VLDLR: variants seen among roughly 807,000 people sequenced by gnomAD.
VLDLR encodes very low density lipoprotein receptor.
VLDLR carries 81 observed loss-of-function variants against 112.7 expected under a neutral mutation model. The ratio of observed to expected loss-of-function variants is 0.72; its 90% CI spans 0.60 to 0.86. VLDLR has a LOEUF of 0.86. Ranked by LOEUF, VLDLR falls within the 40% of genes least tolerant of loss-of-function variation. The pLI is 0.00. For synonymous variants in VLDLR, 436 were observed against 384.8 expected, an observed-to-expected ratio of 1.13 and a Z score of -1.56; for missense variants, 1,237 against 1,099.4, an observed-to-expected ratio of 1.13 and a Z score of -1.77.
chr9:2,643,767 G>A lies in VLDLR; in HGVS notation c.943+17G>A. 1 of 1,614,158 alleles carries A rather than the reference G, an allele frequency of 6.2e-7. No individual in the cohort carries two copies. The highest frequency in any genetic ancestry group is 1.6e-4 in the Middle Eastern group (1 of 6,062). On this transcript the variant is annotated intron_variant, in intron 6 of 18. Coordinates refer to ENST00000382100, the MANE Select transcript of VLDLR (RefSeq NM_003383.5). ...GCAAAAATGGTAAGGGTTTCTTCTT[G>A]TTGGTTAAGCAATGGATTGCTCTGA...
chr9:2,637,874 C>T (rs886598125), intron 2 of VLDLR, among the ~76,000 whole-genome samples: 7 of 152,026 alleles, frequency 4.6e-5, no homozygotes, highest in African/African-American at 7.2e-5. Flanking sequence ...ACCCGGGAGG[C>T]GGAGCTTGCA....
chr9:2,639,194 G>C (rs1219840177), intron 2 of VLDLR, among the ~76,000 whole-genome samples: 3 of 152,236 alleles, frequency 2.0e-5, no homozygotes, highest in African/African-American at 4.8e-5. Flanking sequence ...AGACCTGCCA[G>C]TAGATCTGAT....
rs1318191770 is a variant in VLDLR, at chr9:2,657,781, A to C, written c.*3913A>C. On this transcript the variant is annotated 3_prime_UTR_variant, in exon 19 of 19. Coordinates refer to ENST00000382100, the MANE Select transcript of VLDLR (RefSeq NM_003383.5). ...GTGGGAGGGCACATCAAGCGATTTC[A>C]CTCTCTTAAAGAAAAGGTTTTTAGG... 1 of 151,876 alleles carries C rather than the reference A, an allele frequency of 6.6e-6. No homozygotes were observed. The highest frequency in any genetic ancestry group is 2.4e-5 in the African/African-American group (1 of 41,300). The allele number at this position is 151,876 out of a possible 1,614,324, so 9.4% of individuals were successfully genotyped here. A position where few individuals can be genotyped will look rare whatever the true frequency, so the allele number is the denominator to read the frequency against.
rs1818617953 is a variant in VLDLR, at chr9:2,656,587, T to C, written c.*2719T>C. 6.6e-6 allele frequency: 1 copy of C among 152,212 alleles called. No homozygotes were observed. Among genetic ancestry groups the C allele is most frequent in the Admixed American group, 6.5e-5 (1 of 15,280 alleles). 9.4% of individuals were successfully genotyped at this position (152,212 alleles called of 1,614,324 possible). A position where few individuals can be genotyped will look rare whatever the true frequency, so the allele number is the denominator to read the frequency against. ...TATGTGAAATGTGTTAGGATAAGTTTGCTCTGTCTCTAGAGTTCAATGTAG... is the reference window on the plus strand; with the variant it reads ...TATGTGAAATGTGTTAGGATAAGTTCGCTCTGTCTCTAGAGTTCAATGTAG... On this transcript the variant is annotated 3_prime_UTR_variant, in exon 19 of 19. Coordinates refer to ENST00000382100, the MANE Select transcript of VLDLR (RefSeq NM_003383.5).
chr9:2,652,882 C>T lies in VLDLR; in HGVS notation c.2519C>T (p.Thr840Ile). 1 of 1,614,082 alleles carries T rather than the reference C, an allele frequency of 6.2e-7. No homozygotes were observed. The highest frequency in any genetic ancestry group is 8.5e-7 in the Non-Finnish European group (1 of 1,179,988). ...TTTGACAATCCTGTGTACTTGAAAACCACTGAAGAGGACCTCTCCATAGAC... is the reference window on the plus strand; with the variant it reads ...TTTGACAATCCTGTGTACTTGAAAATCACTGAAGAGGACCTCTCCATAGAC... ...MNFDNPVYLK[T>I]TEEDLSIDIG... Residue 840 changes from threonine (T) to isoleucine (I), a missense_variant, in exon 18 of 19, where the codon ACC becomes ATC. Physicochemically the swap from Thr to Ile is moderately conservative, Grantham distance 89. Coordinates refer to ENST00000382100, the MANE Select transcript of VLDLR (RefSeq NM_003383.5).
chr9:2,637,885 G>A (rs1817663926), intron 2 of VLDLR, among the ~76,000 whole-genome samples: 2 of 152,192 alleles, frequency 1.3e-5, no homozygotes, highest in South Asian at 4.2e-4. Context: ...GGAGCTTGCA[G>A]TGAGCCAAGA....
rs374242751 is a variant in VLDLR, at chr9:2,644,325, AT to A, written c.1066+383del. The stretch of plus-strand genomic sequence containing the variant: ...AGGCGCCCACCACCACGCCCGGCTA[AT>A]TTTTTTTTTTTTTTTTGTATTTTTA... On this transcript the variant is annotated intron_variant, in intron 7 of 18. Coordinates refer to ENST00000382100, the MANE Select transcript of VLDLR (RefSeq NM_003383.5). Among the ~76,000 whole-genome samples, 1,045 of 122,944 alleles carry A rather than the reference AT, an allele frequency of 8.5e-3. 12 individuals carry two copies. Among genetic ancestry groups the A allele is most frequent in the African/African-American group, 0.028 (882 of 31,290 alleles). 80.7% of individuals were successfully genotyped at this position (122,944 alleles called of 152,430 possible).
At chr9:2,638,561 C>T (rs1157880322) in intron 2 of VLDLR, among the ~76,000 whole-genome samples, 1 of 152,144 alleles carries the variant, frequency 6.6e-6, no homozygotes, top group East Asian at 1.9e-4. Context: ...CTTAGGGTAT[C>T]CTGTGTGGCT....
At chr9:2,644,421 G>A (rs904360047) in intron 7 of VLDLR, among the ~76,000 whole-genome samples, 31 of 148,408 alleles carry the variant, frequency 2.1e-4, no homozygotes, top group Admixed American at 2.0e-4. Flanking sequence ...CACCCGCCTC[G>A]GCCTTCCAAA....
In VLDLR at chr9:2,646,466, A is replaced by G. The variant is rs1462332382; in HGVS notation, c.1617A>G (p.Val539=). Residue 539 remains valine, a synonymous_variant, in exon 11 of 19, where the codon GTA becomes GTG. Transcript: ENST00000382100. ...ATGCGGCTTCTAAGACTATTTCAGT[A>G]GCTACCCTAGATGGAACCAAGAGGA... ...WTDAASKTIS[V]ATLDGTKRKF... is the part of the protein sequence containing the mutation. The G allele has an allele frequency of 1.2e-5, 19 of 1,614,052 alleles. No homozygotes were observed. The highest frequency in any genetic ancestry group is 1.6e-5 in the Non-Finnish European group (19 of 1,180,016).
chr9:2,651,125 CG>C, intron 15 of VLDLR, among the ~76,000 whole-genome samples: 1 of 152,236 alleles, frequency 6.6e-6, no homozygotes, highest in Non-Finnish European at 1.5e-5. Context: ...GAACATTTCT[CG>C]TAGTTTCCAG....
At chr9:2,640,045 A>G (rs768266324) in intron 3 of VLDLR, 64 bp downstream of exon 3, 29 of 1,613,220 alleles carry the variant, frequency 1.8e-5, no homozygotes, top group Non-Finnish European at 2.5e-5. Context: ...ATTTCTAAGT[A>G]TTGCTTAATC....
intron 8 of VLDLR, 39 bp from the exon 9 acceptor site, chr9:2,644,918 G>C: frequency 1.2e-6 from 2 of 1,614,122 alleles, no homozygotes; most frequent in East Asian, 4.5e-5. Flanking sequence ...ACCTAGTAAG[G>C]TATAGGAGCA....
chr9:2,651,933 G>T lies in VLDLR; in HGVS notation c.2395G>T (p.Ala799Ser), dbSNP rs183359461. 1 of 1,614,042 alleles carries T rather than the reference G, an allele frequency of 6.2e-7. No homozygotes were observed. Among genetic ancestry groups the T allele is most frequent in the African/African-American group, 1.3e-5 (1 of 75,022 alleles). Residue 799 changes from alanine (A) to serine (S), a missense_variant, in exon 17 of 19, where the codon GCA (alanine) becomes TCA (serine). Coordinates refer to ENST00000382100, the MANE Select transcript of VLDLR (RefSeq NM_003383.5). ...TGTTCCCCCAAAAGGGACTTCTGCC[G>T]CATGGGCCATTCTTCCTCTCTGTAA... ...VSVPPKGTSA[A>S]WAILPLLLLV... is the part of the protein sequence containing the mutation.
chr9:2,625,096 T>C (rs1817032050), intron 1 of VLDLR, among the ~76,000 whole-genome samples: 1 of 152,206 alleles, frequency 6.6e-6, no homozygotes, highest in Non-Finnish European at 1.5e-5. Flanking sequence ...GTCTCCATGC[T>C]CAAAAGAAGT....
At position 2,653,947 on chromosome 9, in the gene VLDLR, G is replaced by T; in HGVS notation, c.*79G>T. 2 of 1,492,670 alleles carry T rather than the reference G, an allele frequency of 1.3e-6. No homozygotes were observed. The highest frequency in any genetic ancestry group is 2.3e-5 in the South Asian group (2 of 88,602). The allele number at this position is 1,492,670 out of a possible 1,614,324, so 92.5% of individuals were successfully genotyped here. A position where few individuals can be genotyped will look rare whatever the true frequency, so the allele number is the denominator to read the frequency against. On this transcript the variant is annotated 3_prime_UTR_variant, in exon 19 of 19. Transcript: ENST00000382100. ...AATGGTAACCGAGCCAGCAGCTGAA[G>T]TCTCTTTTTCTTCCTCTCGGCTGGA... is the stretch of plus-strand genomic sequence containing the variant.
chr9:2,632,208 A>C (rs1817379279), intron 1 of VLDLR, among the ~76,000 whole-genome samples: 1 of 152,194 alleles, frequency 6.6e-6, no homozygotes, highest in African/African-American at 2.4e-5. Flanking sequence ...ACCAAAATCC[A>C]ATATTCAAAA....
At chr9:2,645,951 G>T (rs1818050576) in intron 10 of VLDLR, among the ~76,000 whole-genome samples, 2 of 152,090 alleles carry the variant, frequency 1.3e-5, no homozygotes, top group Non-Finnish European at 2.9e-5. Flanking sequence ...AGTAAAAGAT[G>T]ACATCTTTCA....
intron 4 of VLDLR, among the ~76,000 whole-genome samples, chr9:2,642,513 T>A (rs1817875019): frequency 6.6e-6 from 1 of 152,214 alleles, no homozygotes; most frequent in Non-Finnish European, 1.5e-5. Flanking sequence ...GCCACCAAAT[T>A]GTGACCTTGA....
Sources: allele counts gnomAD v4.1 joint callset (sites outside exome capture counted in the v4.1 genomes callset), GRCh38; gene constraint gnomAD v4.1.1; transcripts MANE v1.5; gene names NCBI Gene and HGNC (gene_info 2026-07-23, HGNC 2026-07-21).